Variants in LRP1B observed in about 807,000 individuals in gnomAD.
LRP1B encodes the protein LDL receptor related protein 1B.
In LRP1B, 217 loss-of-function variants were observed where a neutral mutation model predicts 556.6. The ratio of observed to expected loss-of-function variants is 0.39; its 90% CI spans 0.35 to 0.44. The LOEUF (loss-of-function observed/expected upper bound fraction) is 0.44, where lower values mean the gene tolerates loss of function less well. LRP1B is among the 20% of genes least tolerant of loss of function. The probability of loss-of-function intolerance (pLI) is 1.00; values close to 1 mark genes in which losing one functional copy is unlikely to be tolerated. For synonymous variants in LRP1B, 2,047 were observed against 1,865.8 expected, an observed-to-expected ratio of 1.10 and a Z score of -2.50; for missense variants, 5,053 against 5,620.8, an observed-to-expected ratio of 0.90 and a Z score of 3.23.
chr2:141,334,845 C>A (rs918976349), intron 3 of LRP1B, among the ~76,000 whole-genome samples: 38 of 152,180 alleles, frequency 2.5e-4, no homozygotes, highest in African/African-American at 9.2e-4. Context: ...ACCCACCATG[C>A]CCGGCCCAGT....
chr2:141,616,677 A>G (rs1248497044), intron 2 of LRP1B, among the ~76,000 whole-genome samples: 1 of 152,242 alleles, frequency 6.6e-6, no homozygotes, highest in African/African-American at 2.4e-5. Context: ...TTTTTAAAAA[A>G]TTGTTTTGGA....
rs1465028908 is a variant in LRP1B at position 141,153,418 on chromosome 2, T to C, written c.1013+35003A>G. 3.3e-5 allele frequency among the ~76,000 whole-genome samples: 4 copies of C among 120,844 alleles called. No individual in the cohort carries two copies. The East Asian group carries it at 6.4e-4, about 19-fold the overall frequency. The allele number at this position is 120,844 out of a possible 152,430, so 79.3% of individuals were successfully genotyped here. On this transcript the variant is annotated intron_variant, in intron 7 of 90. Transcript: ENST00000389484. Reference sequence around the variant, plus strand: ...ATTTATATATATTATATATTAGCTATATATATTTATATATAATATATTATA... The same window carrying C: ...ATTTATATATATTATATATTAGCTACATATATTTATATATAATATATTATA...
intron 35 of LRP1B, among the ~76,000 whole-genome samples, chr2:140,766,108 G>A (rs1293667921): frequency 2.0e-5 from 3 of 151,724 alleles, no homozygotes; most frequent in African/African-American, 7.3e-5. Flanking sequence ...TGGCCCTGGG[G>A]TAAATGTCAT....
At chr2:141,561,449 C>G (rs1369618754) in intron 2 of LRP1B, among the ~76,000 whole-genome samples, 1 of 151,770 alleles carries the variant, frequency 6.6e-6, no homozygotes, top group African/African-American at 2.4e-5. Context: ...ACTAATGCCT[C>G]AGGGCTAGAA....
chr2:141,059,585 T>C (rs954458074), intron 8 of LRP1B, among the ~76,000 whole-genome samples: 1 of 151,796 alleles, frequency 6.6e-6, no homozygotes, highest in African/African-American at 2.4e-5. Context: ...AAGTAATATA[T>C]AAAGAAATCA....
intron 7 of LRP1B, among the ~76,000 whole-genome samples, chr2:141,070,910 G>A (rs923149791): frequency 1.8e-4 from 28 of 151,982 alleles, no homozygotes; most frequent in African/African-American, 4.6e-4. Flanking sequence ...ATTCACAGCC[G>A]AATTCTACCA....
At chr2:141,836,443 T>A (rs1368055858) in intron 1 of LRP1B, among the ~76,000 whole-genome samples, 1 of 151,882 alleles carries the variant, frequency 6.6e-6, no homozygotes, top group Non-Finnish European at 1.5e-5. Flanking sequence ...ACTATCCTAT[T>A]TTTTTTCTCT....
chr2:141,919,764 A>G (rs1574493020), intron 1 of LRP1B, among the ~76,000 whole-genome samples: 1 of 152,190 alleles, frequency 6.6e-6, no homozygotes, highest in Non-Finnish European at 1.5e-5. Context: ...AATACGTAAC[A>G]TTTGAATACC....
intron 2 of LRP1B, among the ~76,000 whole-genome samples, chr2:141,771,082 T>C (rs1478294059): frequency 2.0e-5 from 3 of 152,190 alleles, no homozygotes; most frequent in African/African-American, 7.2e-5. Context: ...AGACCATATA[T>C]AGTCTTAGTC....
chr2:140,356,359 T>C lies in LRP1B; in HGVS notation c.11513A>G (p.Lys3838Arg). The part of the protein sequence containing the change: ...RCKPGFQRNM[K>R]NRQCEDLNEC... The stretch of plus-strand genomic sequence containing the variant: ...TACTCTACCTTCACATTGTCTGTTT[T>C]TCATGTTTCTCTGAAATCCAGGCTT... The change falls in exon 75 of 91, where the codon AAA (lysine) becomes AGA (arginine). Residue 3838 changes from lysine (K) to arginine (R), a missense_variant. Physicochemically the swap from Lys to Arg is conservative, Grantham distance 26 (BLOSUM62 2). Around this residue, in one of 5 missense-constraint regions of LRP1B, gnomAD observed 599 missense variants for 648.4 expected, o/e 0.92. Transcript: ENST00000389484. 3 of 1,611,006 alleles carry C rather than the reference T, an allele frequency of 1.9e-6. No homozygotes were observed. Among genetic ancestry groups the C allele is most frequent in the South Asian group, 2.2e-5 (2 of 90,938 alleles).
At chr2:141,224,115 A>G (rs772766354) in intron 6 of LRP1B, among the ~76,000 whole-genome samples, 1 of 151,204 alleles carries the variant, frequency 6.6e-6, no homozygotes, top group Non-Finnish European at 1.5e-5. Context: ...AATGGAAGAC[A>G]ATTTTTGCAA....
chr2:140,452,427 T>C (rs1686923903), intron 62 of LRP1B, among the ~76,000 whole-genome samples: 2 of 152,116 alleles, frequency 1.3e-5, no homozygotes, highest in Admixed American at 1.3e-4. Flanking sequence ...AGTCAATTTC[T>C]CCTGGTATAT....
intron 7 of LRP1B, among the ~76,000 whole-genome samples, chr2:141,097,443 A>G (rs1174688224): frequency 6.6e-6 from 1 of 152,204 alleles, no homozygotes; most frequent in Non-Finnish European, 1.5e-5. Flanking sequence ...AGAAAAAGAG[A>G]AAAAGGAGTA....
chr2:140,654,068 A>G (rs1022811494), intron 41 of LRP1B, among the ~76,000 whole-genome samples: 1 of 151,150 alleles, frequency 6.6e-6, no homozygotes, highest in African/African-American at 2.4e-5. Flanking sequence ...GAGTTTAACT[A>G]CATTTGGGGA....
chr2:140,297,659 A>G, intron 84 of LRP1B, 149 bp downstream of exon 84: 1 of 828,784 alleles, frequency 1.2e-6, no homozygotes, highest in Non-Finnish European at 1.9e-6. Context: ...GAGAAAGGTG[A>G]AGAATGGGTA....
At chr2:140,748,480 T>A (rs1688425804) in intron 35 of LRP1B, among the ~76,000 whole-genome samples, 1 of 112,306 alleles carries the variant, frequency 8.9e-6, no homozygotes, top group Non-Finnish European at 1.8e-5. Flanking sequence ...CTTAAAAAAT[T>A]CCTAGCAATA....
chr2:140,617,226 C>T (rs2105240454), intron 41 of LRP1B, among the ~76,000 whole-genome samples: 1 of 152,002 alleles, frequency 6.6e-6, no homozygotes, highest in South Asian at 2.1e-4. Flanking sequence ...TCCCTCTTAT[C>T]TCAAAACTAC....
At chr2:141,087,538 A>T (rs1700076818) in intron 7 of LRP1B, among the ~76,000 whole-genome samples, 1 of 152,202 alleles carries the variant, frequency 6.6e-6, no homozygotes, top group Non-Finnish European at 1.5e-5. Flanking sequence ...GGAGACAGCA[A>T]TGTACAATAA....
At chr2:140,989,767 T>G (rs1470610526) in intron 16 of LRP1B, 110 bp from the exon 17 acceptor site, 1 of 998,122 alleles carries the variant, frequency 1.0e-6, no homozygotes, top group East Asian at 2.7e-5. Flanking sequence ...GTACAATAAA[T>G]GTCATAGAGT....
Sources: allele counts gnomAD v4.1 joint callset (sites outside exome capture counted in the v4.1 genomes callset), GRCh38; gene constraint gnomAD v4.1.1; regional missense constraint gnomAD v4.1.1; transcripts MANE v1.5; gene names NCBI Gene and HGNC (gene_info 2026-07-23, HGNC 2026-07-21).